The following SHANK2 variants were observed in gnomAD, a reference collection of about 807,000 sequenced individuals.
SHANK2 encodes SH3 and multiple ankyrin repeat domains protein 2.
Under a neutral mutation model 133.7 loss-of-function variants are expected in SHANK2, and 43 were observed. That is an observed-to-expected ratio of 0.32 (90% CI 0.25 to 0.41). The LOEUF is 0.41. SHANK2 is among the 10% of genes least tolerant of loss of function. The pLI, the probability that SHANK2 is intolerant of heterozygous loss-of-function variation, is 1.00. For missense variants in SHANK2, 1,994 were observed against 2,235.8 expected (o/e 0.89, Z 2.18); for synonymous variants, 1,017 against 952.8 (o/e 1.07, Z -1.24).
chr11:70,730,699 C>A (rs146381419), intron 14 of SHANK2, among the ~76,000 whole-genome samples: 7 of 152,186 alleles, frequency 4.6e-5, no homozygotes, highest in Non-Finnish European at 1.0e-4. Flanking sequence ...GAGGCTGCTG[C>A]GGCAGGGCCA....
chr11:71,125,181 A>G (rs1433605269), intron 3 of SHANK2, among the ~76,000 whole-genome samples: 2 of 152,186 alleles, frequency 1.3e-5, no homozygotes, highest in Non-Finnish European at 2.9e-5. Flanking sequence ...ATAACCCTAC[A>G]GTAGCCCCTA....
chr11:70,928,047 A>G (rs957675858), intron 10 of SHANK2, among the ~76,000 whole-genome samples: 1 of 152,004 alleles, frequency 6.6e-6, no homozygotes, highest in Admixed American at 6.6e-5. Flanking sequence ...ATCTCTCCTC[A>G]TTCTCTTTCT....
chr11:70,904,800 G>C (rs552581287), intron 10 of SHANK2, among the ~76,000 whole-genome samples: 8 of 152,230 alleles, frequency 5.3e-5, no homozygotes, highest in Non-Finnish European at 1.0e-4. Flanking sequence ...GAGCCATCGT[G>C]CCCAGTCAAT....
At chr11:70,498,429 A>G (rs911188692) in intron 21 of SHANK2, among the ~76,000 whole-genome samples, 3 of 152,150 alleles carry the variant, frequency 2.0e-5, no homozygotes, top group Non-Finnish European at 4.4e-5. Flanking sequence ...TCTGAGTCAC[A>G]CACCTTCCAA....
chr11:70,601,363 G>A (rs1328032645), intron 17 of SHANK2, among the ~76,000 whole-genome samples: 1 of 152,148 alleles, frequency 6.6e-6, no homozygotes, highest in Non-Finnish European at 1.5e-5. Context: ...GGGACTACAG[G>A]CGCATGCCAC....
At chr11:71,110,486 T>G (rs2135221521) in intron 5 of SHANK2, among the ~76,000 whole-genome samples, 1 of 152,184 alleles carries the variant, frequency 6.6e-6, no homozygotes, top group South Asian at 2.1e-4. Context: ...GCACATGTGA[T>G]TCCAGCTACT....
At chr11:70,713,060 C>G (rs1048218187) in intron 14 of SHANK2, among the ~76,000 whole-genome samples, 1 of 152,256 alleles carries the variant, frequency 6.6e-6, no homozygotes, top group Non-Finnish European at 1.5e-5. Flanking sequence ...CCAAAAGAAT[C>G]ACGTGCTTTG....
At chr11:70,950,225 G>A (rs1347010990) in intron 10 of SHANK2, 3 of 433,216 alleles carry the variant, frequency 6.9e-6, no homozygotes, top group Non-Finnish European at 1.4e-5. Context: ...GGCCCAGGCT[G>A]GAGTATAGTG....
chr11:71,161,720 T>C (rs1283642684), intron 2 of SHANK2, among the ~76,000 whole-genome samples: 1 of 152,226 alleles, frequency 6.6e-6, no homozygotes, highest in Non-Finnish European at 1.5e-5. Flanking sequence ...ACACCTTACA[T>C]GTACTCATTG....
intron 17 of SHANK2, chr11:70,634,228 G>A (rs1252228335): frequency 6.6e-6 from 1 of 152,010 alleles, no homozygotes; most frequent in Non-Finnish European, 1.5e-5. Flanking sequence ...GGGCCCGCAA[G>A]AAAGATCCCA....
intron 17 of SHANK2, among the ~76,000 whole-genome samples, chr11:70,606,347 T>C (rs1591640408): frequency 6.6e-6 from 1 of 151,796 alleles, no homozygotes; most frequent in South Asian, 2.1e-4. Context: ...AGGCCAGGCG[T>C]TTGAGACCAG....
In SHANK2 at chr11:70,479,668, G is replaced by A. The variant is rs1555151012; in HGVS notation, c.4979+5646C>T. ...ATGCACCCTAACAGAAGCCATGGGG[G>A]ACCCCCACAAGCACACACTCACTGC... On this transcript the variant is annotated intron_variant, in intron 25 of 25. Coordinates refer to ENST00000601538, the MANE Select transcript of SHANK2 (RefSeq NM_012309.5). The surrounding 1 kb of genome is among the most constrained non-coding windows in gnomAD (Gnocchi z 4.4). 6.6e-6 allele frequency among the ~76,000 whole-genome samples: 1 copy of A among 152,234 alleles called. No individual in the cohort carries two copies. The highest frequency in any genetic ancestry group is 1.9e-4 in the East Asian group (1 of 5,204).
intron 1 of SHANK2, among the ~76,000 whole-genome samples, chr11:71,240,083 A>G (rs1191223356): frequency 3.3e-5 from 5 of 152,148 alleles, no homozygotes; most frequent in Non-Finnish European, 5.9e-5. Flanking sequence ...TCTTCGGGAG[A>G]ATGAACTCCA....
chr11:71,097,111 G>A (rs1385532710), intron 6 of SHANK2, among the ~76,000 whole-genome samples: 1 of 152,178 alleles, frequency 6.6e-6, no homozygotes, highest in Non-Finnish European at 1.5e-5. Context: ...ATGACAAGTG[G>A]CAGCCTTCTC....
intron 14 of SHANK2, among the ~76,000 whole-genome samples, chr11:70,715,016 G>C (rs1254628661): frequency 6.6e-6 from 1 of 151,512 alleles, no homozygotes; most frequent in Non-Finnish European, 1.5e-5. Flanking sequence ...TGTTGCCCAG[G>C]CTGGTCTTGA....
intron 17 of SHANK2, among the ~76,000 whole-genome samples, chr11:70,599,919 GAAA>G (rs2060464657): frequency 1.7e-5 from 1 of 59,170 alleles, no homozygotes; most frequent in Non-Finnish European, 3.5e-5. Context: ...AAGAAAGAAA[GAAA>G]GAAAGAAAGA....
At chr11:70,782,761 C>T (rs1347725796) in intron 14 of SHANK2, among the ~76,000 whole-genome samples, 1 of 152,246 alleles carries the variant, frequency 6.6e-6, no homozygotes, top group Admixed American at 6.5e-5. Context: ...CCACCCAATA[C>T]ATGCACAGAA....
At chr11:71,187,231 A>G (rs1281749092) in intron 2 of SHANK2, among the ~76,000 whole-genome samples, 2 of 152,254 alleles carry the variant, frequency 1.3e-5, no homozygotes, top group African/African-American at 4.8e-5. Context: ...TGGCACACTC[A>G]GGAAAATTTG....
intron 14 of SHANK2, among the ~76,000 whole-genome samples, chr11:70,708,934 G>A (rs1253096543): frequency 2.0e-5 from 3 of 152,232 alleles, no homozygotes; most frequent in Admixed American, 2.0e-4. Context: ...AGAAGGGCAG[G>A]GCGTGGTGGC....
Sources: gnomAD v4.1 joint callset for allele counts (sites outside exome capture counted in the v4.1 genomes callset) on GRCh38, gnomAD v4.1.1 for gene constraint, Gnocchi (gnomAD v3.1) non-coding constraint, MANE v1.5 for transcripts, NCBI Gene and HGNC (gene_info 2026-07-23, HGNC 2026-07-21) for gene names.